Variants in DNAH5 observed in about 807,000 individuals in gnomAD.
DNAH5 encodes dynein axonemal heavy chain 5.
A neutral mutation model predicts 518.2 loss-of-function variants in DNAH5; 372 were observed. The ratio of observed to expected loss-of-function variants is 0.72; its 90% CI spans 0.66 to 0.78. The LOEUF (loss-of-function observed/expected upper bound fraction) is 0.78, where lower values mean the gene tolerates loss of function less well. Among genes scored for constraint, DNAH5 ranks in the 30% least tolerant of loss-of-function variants. The pLI, the probability that DNAH5 is intolerant of heterozygous loss-of-function variation, is 0.00. For missense variants in DNAH5, 5,523 were observed against 5,687.0 expected (o/e 0.97, Z 0.93); for synonymous variants, 2,039 against 2,025.9 (o/e 1.01, Z -0.17).
chr5:13,973,305 G>A (rs534499259), intron 1 of DNAH5, among the ~76,000 whole-genome samples: 1 of 152,342 alleles, frequency 6.6e-6, no homozygotes, highest in East Asian at 1.9e-4. Context: ...TTTTAGCCCG[G>A]TAAAACTGAC....
chr5:13,820,329 C>T lies in DNAH5; in HGVS notation c.6841+17G>A, dbSNP rs1322246968. 1 of 1,606,074 alleles carries T rather than the reference C, an allele frequency of 6.2e-7. No individual in the cohort carries two copies. The highest frequency in any genetic ancestry group is 1.3e-5 in the African/African-American group (1 of 74,900). ...TTAAATGGGCCACCCCAGGCATTGA[C>T]CTTGGCTGCCCTGTACCTGTCATGG... On this transcript the variant is annotated intron_variant, in intron 41 of 78. Coordinates refer to ENST00000265104, the MANE Select transcript of DNAH5 (RefSeq NM_001369.3).
rs747529694 is a variant in DNAH5 at position 13,814,629 on chromosome 5, G to A, written c.7206C>T (p.Ile2402=). 3.7e-6 allele frequency: 6 copies of A among 1,613,786 alleles called. No individual in the cohort carries two copies. Among genetic ancestry groups the A allele is most frequent in the Non-Finnish European group, 5.1e-6 (6 of 1,179,718 alleles). The change falls in exon 43 of 79, where the codon ATC becomes ATT. Residue 2402 remains isoleucine, a synonymous_variant. Transcript: ENST00000265104. ...CCTCAAGAATAGGACTCCAATCAAG[G>A]ATAGAAGAGCTCATGAAAACCATTC... ...RNGMVFMSSS[I]LDWSPILEGF...
At chr5:13,801,484 C>A (rs1175580590) in intron 47 of DNAH5, among the ~76,000 whole-genome samples, 7 of 152,214 alleles carry the variant, frequency 4.6e-5, no homozygotes, top group African/African-American at 9.7e-5. Flanking sequence ...AACCCCTACT[C>A]AACCAATCAC....
chr5:13,841,647 A>G (rs771922297), intron 33 of DNAH5, 45 bp downstream of exon 33: 8 of 1,476,494 alleles, frequency 5.4e-6, no homozygotes, highest in South Asian at 2.3e-5. Flanking sequence ...TGAGACTTAA[A>G]ATGACTATTT....
chr5:13,925,482 G>A (rs1777771797), intron 3 of DNAH5, among the ~76,000 whole-genome samples: 1 of 152,194 alleles, frequency 6.6e-6, no homozygotes, highest in Non-Finnish European at 1.5e-5. Context: ...AAAGAAAGAG[G>A]TTTGATTGGC....
At chr5:13,863,398 T>A (rs1768770895) in intron 28 of DNAH5, among the ~76,000 whole-genome samples, 1 of 152,072 alleles carries the variant, frequency 6.6e-6, no homozygotes, top group African/African-American at 2.4e-5. Flanking sequence ...AATATCAGAC[T>A]CATGTCCCTA....
Position 13,807,741 on chromosome 5 carries a change from T to A in DNAH5, c.7753-16A>T, listed in dbSNP as rs1029180560. 6 of 1,593,412 alleles carry A rather than the reference T, an allele frequency of 3.8e-6. No homozygotes were observed. Among genetic ancestry groups the A allele is most frequent in the East Asian group, 4.5e-5 (2 of 44,626 alleles). On this transcript the variant is annotated splice_polypyrimidine_tract_variant and intron_variant, in intron 46 of 78. Transcript: ENST00000265104. ...ATAGCACAGCCTAAAATAGAGGGAA[T>A]TGAAAAAAAAAGAAATGAAATAAAT...
chr5:13,729,495 A>C lies in DNAH5; in HGVS notation c.11827T>G (p.Trp3943Gly), dbSNP rs1274208100. 1.9e-6 allele frequency: 3 copies of C among 1,613,938 alleles called. No individual in the cohort carries two copies. The highest frequency in any genetic ancestry group is 2.5e-6 in the Non-Finnish European group (3 of 1,179,934). Residue 3943 changes from tryptophan (W) to glycine (G), a missense_variant, in exon 69 of 79, where the codon TGG becomes GGG. Trp to Gly is a radical substitution (Grantham distance 184). Transcript: ENST00000265104. ...TTGCTAAGTTCCACCAAATTCAGCC[A>C]TGTTATGTCCAGGATCCATTTTGAT... ...KPSKWILDIT[W>G]LNLVELSKLR...
chr5:13,980,743 G>A (rs544681434), intron 1 of DNAH5, among the ~76,000 whole-genome samples: 1 of 152,180 alleles, frequency 6.6e-6, no homozygotes, highest in South Asian at 2.1e-4. Context: ...TGAGAATGGA[G>A]GTCAGTTCAT....
intron 1 of DNAH5, among the ~76,000 whole-genome samples, chr5:13,934,024 C>T (rs540828746): frequency 1.3e-5 from 2 of 152,146 alleles, no homozygotes; most frequent in South Asian, 2.1e-4. Flanking sequence ...CTGTATTTCC[C>T]CTCCCCTTGA....
chr5:13,976,689 G>GTATATATATATA (rs1216182959), intron 1 of DNAH5, among the ~76,000 whole-genome samples: 2 of 137,974 alleles, frequency 1.4e-5, no homozygotes, highest in African/African-American at 2.9e-5. Context: ...GTGTGTGTGT[G>GTATATATATATA]TATATATATA....
chr5:13,829,558 C>G lies in DNAH5; in HGVS notation c.6396G>C (p.Arg2132Ser). The G allele has an allele frequency of 6.2e-7, 1 of 1,614,190 alleles. No individual in the cohort carries two copies. Among genetic ancestry groups the G allele is most frequent in the Non-Finnish European group, 8.5e-7 (1 of 1,180,036 alleles). ...CGFIDNVVLA[R>S]KFFTLYKLCE... The stretch of plus-strand genomic sequence containing the variant: ...ACAGTTTGTAGAGCGTGAAAAACTT[C>G]CTGGCCAAAACAACGTTGTCAATGA... The change falls in exon 38 of 79, where the codon AGG becomes AGC. Residue 2132 changes from arginine to serine, a missense_variant. Coordinates refer to ENST00000265104, the MANE Select transcript of DNAH5 (RefSeq NM_001369.3).
rs1060501459 is a variant in DNAH5 at position 13,793,713 on chromosome 5, C to CTA, written c.8024_8025dup (p.Val2676Ter). 1.2e-6 allele frequency: 2 copies of CTA among 1,614,062 alleles called. No homozygotes were observed. Among genetic ancestry groups the CTA allele is most frequent in the Admixed American group, 3.3e-5 (2 of 60,024 alleles). ...CCATTTTGTTCCATCAGCTGTCGCA[C>CTA]TATCTCATTCGTAACCTACAAAAGA... On this transcript the variant is annotated frameshift_variant, in exon 49 of 79. Transcript: ENST00000265104. LOFTEE classifies it high-confidence loss of function.
At chr5:13,775,760 G>A (rs980012999) in intron 55 of DNAH5, among the ~76,000 whole-genome samples, 8 of 152,040 alleles carry the variant, frequency 5.3e-5, no homozygotes, top group Admixed American at 3.3e-4. Context: ...TGCTTCCTCC[G>A]GCAACCCCCA....
At chr5:13,911,814 A>T (rs112040649) in intron 11 of DNAH5, among the ~76,000 whole-genome samples, 1 of 152,198 alleles carries the variant, frequency 6.6e-6, no homozygotes, top group Non-Finnish European at 1.5e-5. Flanking sequence ...ATCTGAAATA[A>T]TTTTTAAAGC....
chr5:13,842,437 A>AGAGAGAGAGAGAGAG lies in DNAH5; in HGVS notation c.5272-534_5272-533insCTCTCTCTCTCTCTC, dbSNP rs1561407249. 6.4e-3 allele frequency among the ~76,000 whole-genome samples: 588 copies of AGAGAGAGAGAGAGAG among 91,344 alleles called. 70 individuals carry two copies. The highest frequency in any genetic ancestry group is 0.025 in the East Asian group (64 of 2,530). 59.9% of individuals were successfully genotyped at this position (91,344 alleles called of 152,430 possible). A position where few individuals can be genotyped will look rare whatever the true frequency, so the allele number is the denominator to read the frequency against. ...GAAAAGAAAAGAAAAGAAAGAAAGA[A>AGAGAGAGAGAGAGAG]AGAAAGAAAGAAAGAAAGAAAGAAA... On this transcript the variant is annotated intron_variant, in intron 32 of 78. Coordinates refer to ENST00000265104, the MANE Select transcript of DNAH5 (RefSeq NM_001369.3).
Position 13,927,671 on chromosome 5 carries a change from C to T in DNAH5, c.277+423G>A, listed in dbSNP as rs560240337. On this transcript the variant is annotated intron_variant, in intron 3 of 78. Transcript: ENST00000265104. ...TAAAAAGGGGTGTTACACATGCTGG[C>T]AATAATTCCTATGTTAAAAAGAAAT... Among the ~76,000 whole-genome samples, 3 of 152,202 alleles carry T rather than the reference C, an allele frequency of 2.0e-5. No individual in the cohort carries two copies. The South Asian group carries it at 6.2e-4, about 32-fold the overall frequency.
chr5:13,937,335 C>T (rs1454436874), intron 1 of DNAH5, among the ~76,000 whole-genome samples: 4 of 150,540 alleles, frequency 2.7e-5, no homozygotes, highest in Non-Finnish European at 4.4e-5. Context: ...TAACTAGCAC[C>T]GATTTCCTGA....
chr5:13,770,432 C>T (rs549560240), intron 56 of DNAH5, among the ~76,000 whole-genome samples: 2 of 152,292 alleles, frequency 1.3e-5, no homozygotes, highest in East Asian at 3.9e-4. Context: ...CAGTAGGCCA[C>T]ATAAAAACCT....
Sources: gnomAD v4.1 joint callset for allele counts (sites outside exome capture counted in the v4.1 genomes callset) on GRCh38, gnomAD v4.1.1 for gene constraint, MANE v1.5 for transcripts, NCBI Gene and HGNC (gene_info 2026-07-23, HGNC 2026-07-21) for gene names.